The following EYS variants were observed in gnomAD, a reference collection of about 807,000 sequenced individuals.
The protein encoded by EYS is protein eyes shut homolog.
A neutral mutation model predicts 282.1 loss-of-function variants in EYS; 250 were observed. That is an observed-to-expected ratio of 0.89 (90% confidence interval 0.80 to 0.98). The LOEUF is 0.98. EYS is among the 50% of genes least tolerant of loss of function. The pLI, the probability that EYS is intolerant of heterozygous loss-of-function variation, is 0.00. For missense variants in EYS, 4,016 were observed against 3,709.0 expected (o/e 1.08, Z -2.15); for synonymous variants, 1,355 against 1,282.9 (o/e 1.06, Z -1.20).
At chr6:63,853,777 A>AAAACAGAT (rs1389977215) in intron 36 of EYS, among the ~76,000 whole-genome samples, 1 of 152,222 alleles carries the variant, frequency 6.6e-6, no homozygotes, top group Admixed American at 6.5e-5. Context: ...TACTGGTACC[A>AAAACAGAT]AAACAGATAT....
chr6:65,070,948 T>A (rs1252687086), intron 12 of EYS, among the ~76,000 whole-genome samples: 1 of 151,958 alleles, frequency 6.6e-6, no homozygotes, highest in Non-Finnish European at 1.5e-5. Flanking sequence ...AATTGCATTT[T>A]ACATTATTTA....
chr6:65,607,987 GA>G (rs1460409264), intron 2 of EYS, among the ~76,000 whole-genome samples: 2 of 151,888 alleles, frequency 1.3e-5, no homozygotes, highest in African/African-American at 4.8e-5. Flanking sequence ...TCTTGCTAAA[GA>G]ATAAGAATAT....
intron 35 of EYS, among the ~76,000 whole-genome samples, chr6:63,948,041 T>C (rs1582012682): frequency 6.6e-6 from 1 of 152,092 alleles, no homozygotes; most frequent in Non-Finnish European, 1.5e-5. Flanking sequence ...GACTCATGAG[T>C]AAAAATATAG....
chr6:64,399,330 A>G (rs1376863054), intron 28 of EYS, among the ~76,000 whole-genome samples: 1 of 151,826 alleles, frequency 6.6e-6, no homozygotes, highest in African/African-American at 2.4e-5. Flanking sequence ...TTATAATTAT[A>G]TCAATTGACC....
At chr6:64,455,118 C>T (rs1160811088) in intron 26 of EYS, among the ~76,000 whole-genome samples, 1 of 152,046 alleles carries the variant, frequency 6.6e-6, no homozygotes, top group African/African-American at 2.4e-5. Flanking sequence ...CGCTATGTTA[C>T]CCAGGCTGAT....
chr6:65,194,381 T>G (rs767894340), intron 12 of EYS, among the ~76,000 whole-genome samples: 1 of 151,962 alleles, frequency 6.6e-6, no homozygotes, highest in Non-Finnish European at 1.5e-5. Context: ...AACAGAATAT[T>G]CATAGTCACA....
chr6:63,989,681 C>A (rs1767523749), intron 34 of EYS, among the ~76,000 whole-genome samples: 1 of 151,424 alleles, frequency 6.6e-6, no homozygotes, highest in East Asian at 1.9e-4. Flanking sequence ...TCCAATCCTG[C>A]TTTTCCTCAA....
intron 33 of EYS, among the ~76,000 whole-genome samples, chr6:64,005,591 T>C (rs1768306259): frequency 6.6e-6 from 1 of 152,210 alleles, no homozygotes; most frequent in Admixed American, 6.5e-5. Flanking sequence ...CCAGAGTTTT[T>C]ATAGTTTTGG....
At chr6:65,321,987 C>T (rs1373900863) in intron 11 of EYS, among the ~76,000 whole-genome samples, 2 of 152,150 alleles carry the variant, frequency 1.3e-5, no homozygotes, top group African/African-American at 2.4e-5. Flanking sequence ...CTTTTCTTTT[C>T]TCCACTCCCT....
intron 26 of EYS, among the ~76,000 whole-genome samples, chr6:64,543,397 G>A (rs1764747586): frequency 6.6e-6 from 1 of 151,924 alleles, no homozygotes; most frequent in Non-Finnish European, 1.5e-5. Flanking sequence ...TAAAGAAATT[G>A]GCTTTTTTCC....
intron 26 of EYS, among the ~76,000 whole-genome samples, chr6:64,501,789 TCA>T (rs1208195021): frequency 6.6e-6 from 1 of 152,132 alleles, no homozygotes; most frequent in African/African-American, 2.4e-5. Flanking sequence ...CTTAACATTA[TCA>T]AAAATGGGCA....
intron 39 of EYS, among the ~76,000 whole-genome samples, chr6:63,783,715 C>T (rs903291440): frequency 5.9e-5 from 9 of 152,088 alleles, no homozygotes. Flanking sequence ...GCTTGCTTTC[C>T]AGGCAAATGG....
chr6:64,335,325 A>T (rs573350070), intron 29 of EYS, among the ~76,000 whole-genome samples: 271 of 129,374 alleles, frequency 2.1e-3, no homozygotes, highest in African/African-American at 7.6e-3. Context: ...AGTAGACCTT[A>T]TCTATACTCC....
intron 19 of EYS, among the ~76,000 whole-genome samples, chr6:64,877,824 A>T (rs937208251): frequency 1.2e-4 from 18 of 152,322 alleles, no homozygotes; most frequent in African/African-American, 3.8e-4. Context: ...TTGTAGAAAG[A>T]TTCAAAAACA....
intron 12 of EYS, among the ~76,000 whole-genome samples, chr6:65,280,896 T>C (rs1461611732): frequency 2.1e-5 from 3 of 144,550 alleles, no homozygotes; most frequent in Non-Finnish European, 3.0e-5. Flanking sequence ...ATCAGCTGAG[T>C]GTGGTGGTGT....
At chr6:65,571,784 A>C (rs1336153133) in intron 2 of EYS, among the ~76,000 whole-genome samples, 1 of 152,180 alleles carries the variant, frequency 6.6e-6, no homozygotes, top group African/African-American at 2.4e-5. Context: ...TTTTTTAAAA[A>C]ACCTTCGAAA....
intron 12 of EYS, among the ~76,000 whole-genome samples, chr6:65,212,684 G>A (rs1766203596): frequency 2.6e-5 from 4 of 152,086 alleles, no homozygotes; most frequent in African/African-American, 9.7e-5. Context: ...ACTAGACAGT[G>A]CTGTTCTAAG....
At chr6:64,526,356 T>C (rs1777919504) in intron 26 of EYS, among the ~76,000 whole-genome samples, 1 of 151,844 alleles carries the variant, frequency 6.6e-6, no homozygotes, top group Non-Finnish European at 1.5e-5. Context: ...AAGACTATGT[T>C]GAATCTCTGT....
chr6:64,491,585 C>T (rs752590936), intron 26 of EYS, among the ~76,000 whole-genome samples: 7 of 150,928 alleles, frequency 4.6e-5, no homozygotes, highest in Non-Finnish European at 7.4e-5. Flanking sequence ...ACACTTTTTA[C>T]GGTCTCAACT....
Sources: allele counts gnomAD v4.1 joint callset (sites outside exome capture counted in the v4.1 genomes callset), GRCh38; gene constraint gnomAD v4.1.1; transcripts MANE v1.5; gene names NCBI Gene and HGNC (gene_info 2026-07-23, HGNC 2026-07-21).